Variants in TOP6BL observed in about 807,000 individuals in gnomAD.
TOP6BL encodes the protein type 2 DNA topoisomerase 6 subunit B-like.
the TOP6BL span, among the ~76,000 whole-genome samples, chr11:66,800,855 A>G: frequency 6.6e-6 from 1 of 152,186 alleles, no homozygotes; most frequent in Non-Finnish European, 1.5e-5. Context: ...ATTTTAGTAG[A>G]TTCATCCCTG....
chr11:66,827,580 T>G, the TOP6BL span, among the ~76,000 whole-genome samples: 4 of 151,826 alleles, frequency 2.6e-5, no homozygotes, highest in Non-Finnish European at 5.9e-5. Context: ...CAGTAGAACC[T>G]GTGCTGTCTT....
At chr11:66,768,175 A>G in the TOP6BL span, among the ~76,000 whole-genome samples, 1 of 151,858 alleles carries the variant, frequency 6.6e-6, no homozygotes, top group Non-Finnish European at 1.5e-5. Flanking sequence ...TGGGTTAGAG[A>G]GATTGACAGG....
chr11:66,744,805 C>G, the TOP6BL span: 2 of 1,264,186 alleles, frequency 1.6e-6, no homozygotes, highest in South Asian at 2.7e-5. Context: ...AGTTCCAAGC[C>G]CGGGCTGAGG....
chr11:66,826,553 T>G, the TOP6BL span, among the ~76,000 whole-genome samples: 1 of 152,192 alleles, frequency 6.6e-6, no homozygotes, highest in African/African-American at 2.4e-5. Context: ...ACTTTCTGGG[T>G]CATGTGGATA....
chr11:66,803,952 A>C, the TOP6BL span: 4 of 1,506,408 alleles, frequency 2.7e-6, no homozygotes, highest in Non-Finnish European at 3.6e-6. Flanking sequence ...ATAATTTCTT[A>C]AGAGGAAAAA....
the TOP6BL span, chr11:66,843,209 G>A: frequency 6.2e-7 from 1 of 1,610,732 alleles, no homozygotes; most frequent in African/African-American, 1.3e-5. Context: ...CTGTCAGAGT[G>A]GCTGAGTCCC....
the TOP6BL span, chr11:66,842,884 A>T: frequency 5.7e-6 from 9 of 1,575,660 alleles, no homozygotes; most frequent in African/African-American, 6.8e-5. Flanking sequence ...GAGGCTCAAG[A>T]GGGGCAGCCC....
chr11:66,761,925 G>A, the TOP6BL span: 1 of 1,404,264 alleles, frequency 7.1e-7, no homozygotes, highest in Non-Finnish European at 1.0e-6. Context: ...GAAATGGGGA[G>A]TTGATATCAA....
chr11:66,785,815 G>A, the TOP6BL span, among the ~76,000 whole-genome samples: 29 of 152,198 alleles, frequency 1.9e-4, no homozygotes, highest in Non-Finnish European at 3.4e-4. Flanking sequence ...GACCTCCTGT[G>A]TGTGGCTCTT....
chr11:66,745,168 C>T, the TOP6BL span, among the ~76,000 whole-genome samples: 2 of 152,068 alleles, frequency 1.3e-5, no homozygotes, highest in Non-Finnish European at 2.9e-5. Context: ...CGGCGTTTGC[C>T]GAGCACCGGC....
At chr11:66,832,208 C>T in the TOP6BL span, among the ~76,000 whole-genome samples, 1 of 151,656 alleles carries the variant, frequency 6.6e-6, no homozygotes, top group Non-Finnish European at 1.5e-5. Context: ...CACCATTCTC[C>T]TGCCTCAGCC....
At chr11:66,842,913 A>AGCTCTGC in the TOP6BL span, 1 of 1,567,822 alleles carries the variant, frequency 6.4e-7, no homozygotes, top group Non-Finnish European at 8.6e-7. Context: ...AGGAGATGCG[A>AGCTCTGC]GCTCTGCGCT....
At chr11:66,767,257 T>TA in the TOP6BL span, among the ~76,000 whole-genome samples, 8 of 152,218 alleles carry the variant, frequency 5.3e-5, no homozygotes, top group Non-Finnish European at 7.3e-5. Context: ...ATTGAATACT[T>TA]ATCTACTTAG....
At chr11:66,827,434 A>G in the TOP6BL span, among the ~76,000 whole-genome samples, 9 of 152,166 alleles carry the variant, frequency 5.9e-5, no homozygotes, top group Admixed American at 6.6e-5. Flanking sequence ...CTTTAATTCT[A>G]ACATCCTATA....
At chr11:66,813,795 T>C in the TOP6BL span, 1 of 1,446,022 alleles carries the variant, frequency 6.9e-7, no homozygotes, top group Non-Finnish European at 9.6e-7. Flanking sequence ...TCAGTGTTGT[T>C]TGTTTGTTAT....
the TOP6BL span, among the ~76,000 whole-genome samples, chr11:66,779,556 T>C: frequency 6.6e-6 from 1 of 152,206 alleles, no homozygotes; most frequent in Non-Finnish European, 1.5e-5. Context: ...ACTTTTACAC[T>C]GTTGGTGGGA....
the TOP6BL span, among the ~76,000 whole-genome samples, chr11:66,803,790 G>T: frequency 6.6e-6 from 1 of 152,158 alleles, no homozygotes; most frequent in Non-Finnish European, 1.5e-5. Context: ...CAGGAGCAAT[G>T]ATATCTCTGA....
At chr11:66,842,428 C>G in the TOP6BL span, among the ~76,000 whole-genome samples, 1 of 152,140 alleles carries the variant, frequency 6.6e-6, no homozygotes, top group Admixed American at 6.5e-5. Context: ...ACAAATGAAT[C>G]AGTTAAGAGT....
the TOP6BL span, among the ~76,000 whole-genome samples, chr11:66,833,362 C>T: frequency 2.0e-5 from 3 of 152,044 alleles, no homozygotes; most frequent in African/African-American, 7.3e-5. Context: ...ACCCTAAATC[C>T]AGGCTAATCC....
Sources: allele counts gnomAD v4.1 joint callset (sites outside exome capture counted in the v4.1 genomes callset), GRCh38; gene constraint gnomAD v4.1.1; transcripts MANE v1.5; gene names NCBI Gene and HGNC (gene_info 2026-07-23, HGNC 2026-07-21).